The following HP1BP3 variants were observed in gnomAD, a reference collection of about 807,000 sequenced individuals.
HP1BP3 encodes the protein heterochromatin protein 1-binding protein 3.
In HP1BP3, 12 loss-of-function variants were observed where a neutral mutation model predicts 62.5. The ratio of observed to expected loss-of-function variants is 0.19; its 90% confidence interval spans 0.12 to 0.31. The LOEUF is 0.31. Among genes scored for constraint, HP1BP3 ranks in the 10% least tolerant of loss-of-function variants. The pLI, the probability that HP1BP3 is intolerant of heterozygous loss-of-function variation, is 1.00. For synonymous variants in HP1BP3, 260 were observed against 237.8 expected, an observed-to-expected ratio of 1.09 and a Z score of -0.86; for missense variants, 502 against 651.8, an observed-to-expected ratio of 0.77 and a Z score of 2.50.
chr1:20,756,809 G>A (rs919424171), intron 9 of HP1BP3, among the ~76,000 whole-genome samples: 5 of 152,022 alleles, frequency 3.3e-5, no homozygotes, highest in Admixed American at 1.3e-4. Flanking sequence ...TCCACCTCCC[G>A]CGTTCAAGTG....
At chr1:20,774,994 A>G (rs970441047) in intron 4 of HP1BP3, 1 of 151,882 alleles carries the variant, frequency 6.6e-6, no homozygotes, top group African/African-American at 2.4e-5. Flanking sequence ...CCATCTCAAA[A>G]AAAAAAAAAA....
intron 9 of HP1BP3, among the ~76,000 whole-genome samples, chr1:20,756,829 C>T (rs2056139873): frequency 1.3e-5 from 2 of 152,224 alleles, no homozygotes; most frequent in Admixed American, 1.3e-4. Context: ...GATTCTCCTG[C>T]CTCAGCCTCC....
At chr1:20,777,468 T>TA (rs1272093399) in intron 3 of HP1BP3, among the ~76,000 whole-genome samples, 15 of 152,030 alleles carry the variant, frequency 9.9e-5, no homozygotes, top group African/African-American at 3.1e-4. Flanking sequence ...TTTATTTATT[T>TA]TTTTTTTGAG....
intron 10 of HP1BP3, among the ~76,000 whole-genome samples, chr1:20,749,051 A>G (rs930633447): frequency 6.6e-6 from 1 of 152,178 alleles, no homozygotes; most frequent in African/African-American, 2.4e-5. Context: ...GTACTCTAAA[A>G]TCCTGGCTTT....
chr1:20,747,162 T>G (rs1413155186), intron 11 of HP1BP3, among the ~76,000 whole-genome samples: 1 of 152,192 alleles, frequency 6.6e-6, no homozygotes, highest in Non-Finnish European at 1.5e-5. Context: ...ATACAAAACC[T>G]TTTACTCCAA....
chr1:20,765,298 A>T, intron 8 of HP1BP3, 79 bp downstream of exon 8: 1 of 921,442 alleles, frequency 1.1e-6, no homozygotes, highest in Non-Finnish European at 1.6e-6. Flanking sequence ...CTCAGTATTT[A>T]ATCTATCTCT....
rs550035342 is a variant in HP1BP3, at chr1:20,787,292, C to G, written c.-198G>C. ...CCTCCGCCACCGCTGTCCTCCAGTC[C>G]CAGCCGCCGAGCTCTGCCGCCCCGC... On this transcript the variant is annotated 5_prime_UTR_variant, in exon 1 of 13. Transcript: ENST00000438032. 1.2e-4 allele frequency: 18 copies of G among 150,746 alleles called. No individual in the cohort carries two copies. Among genetic ancestry groups the G allele is most frequent in the African/African-American group, 4.1e-4 (17 of 41,300 alleles). The allele number at this position is 150,746 out of a possible 1,614,324, so 9.3% of individuals were successfully genotyped here.
intron 3 of HP1BP3, among the ~76,000 whole-genome samples, chr1:20,776,974 G>A (rs976823811): frequency 3.9e-5 from 6 of 152,124 alleles, no homozygotes; most frequent in African/African-American, 1.2e-4. Context: ...AATAGACCAG[G>A]AAATTACATA....
chr1:20,776,599 C>A lies in HP1BP3; in HGVS notation c.348G>T (p.Lys116Asn). 1.2e-6 allele frequency: 2 copies of A among 1,610,222 alleles called. No individual in the cohort carries two copies. Among genetic ancestry groups the A allele is most frequent in the South Asian group, 2.2e-5 (2 of 90,230 alleles). Residue 116 changes from lysine to asparagine, a missense_variant and splice_region_variant, in exon 4 of 13, where the codon AAG (lysine) becomes AAT (asparagine). By Grantham distance (94) the Lys-to-Asn change is moderately conservative. Around this residue, in one of 5 missense-constraint regions of HP1BP3, gnomAD observed 165 missense variants for 156.4 expected, o/e 1.05. Transcript: ENST00000438032. ...AGCAAGAAGACATAACTCCTTACTC[C>A]TTTTTGGTTTCCTCAGAAGACTTAT... Reference protein sequence around the residue: ...EENKSSEETKKDEKDQSKEKE... With the variant: ...EENKSSEETKNDEKDQSKEKE...
intron 9 of HP1BP3, among the ~76,000 whole-genome samples, chr1:20,754,472 T>G (rs866214984): frequency 2.0e-5 from 3 of 149,622 alleles, no homozygotes; most frequent in African/African-American, 7.3e-5. Context: ...TTTTTTTGGT[T>G]TTTTTTTTTT....
intron 6 of HP1BP3, 112 bp from the exon 7 acceptor site, chr1:20,767,776 G>T: frequency 2.0e-5 from 11 of 551,870 alleles, no homozygotes; most frequent in East Asian, 6.7e-5. Flanking sequence ...TACTTCTTCA[G>T]AGAAAAAAAA....
chr1:20,763,351 T>C (rs1225902509), intron 8 of HP1BP3, among the ~76,000 whole-genome samples: 1 of 152,250 alleles, frequency 6.6e-6, no homozygotes, highest in Non-Finnish European at 1.5e-5. Context: ...ATAAGAAGCA[T>C]GAAAATATCA....
intron 1 of HP1BP3, chr1:20,786,170 G>A (rs1277367213): frequency 6.6e-6 from 1 of 152,248 alleles, no homozygotes; most frequent in Non-Finnish European, 1.5e-5. Context: ...CCAACCCTCA[G>A]ATCTGGGGCT....
At chr1:20,757,715 CCT>C (rs1189934533) in intron 8 of HP1BP3, among the ~76,000 whole-genome samples, 2 of 151,994 alleles carry the variant, frequency 1.3e-5, no homozygotes, top group Non-Finnish European at 2.9e-5. Flanking sequence ...GTATGACAGA[CCT>C]AGAAAATTTC....
At chr1:20,781,235 G>C (rs1211830539) in intron 1 of HP1BP3, among the ~76,000 whole-genome samples, 2 of 151,794 alleles carry the variant, frequency 1.3e-5, no homozygotes, top group African/African-American at 4.8e-5. Context: ...TCTCATCTGA[G>C]ACTCAATGAC....
intron 1 of HP1BP3, among the ~76,000 whole-genome samples, chr1:20,785,789 TTAC>T (rs1330452524): frequency 6.6e-6 from 1 of 152,222 alleles, no homozygotes; most frequent in East Asian, 1.9e-4. Flanking sequence ...CTTTAAAATG[TTAC>T]TTCTATTTTG....
At position 20,773,462 on chromosome 1, in the gene HP1BP3, C is replaced by T. The variant is rs750403800; in HGVS notation, c.499G>A (p.Glu167Lys). 6.2e-7 allele frequency: 1 copy of T among 1,606,494 alleles called. No individual in the cohort carries two copies. Among genetic ancestry groups the T allele is most frequent in the Non-Finnish European group, 8.5e-7 (1 of 1,176,974 alleles). ...AAATAAAAACTTGCCTTAATGGCCT[C>T]AGTTAAGATTGCATCCATCTTGGGA... is the stretch of plus-strand genomic sequence containing the variant. ...PRPKMDAILT[E>K]AIKACFQKSG... is the part of the protein sequence containing the mutation. The change falls in exon 5 of 13, where the codon GAG becomes AAG. Residue 167 changes from glutamate to lysine, a missense_variant. Coordinates refer to ENST00000438032, the MANE Select transcript of HP1BP3 (RefSeq NM_001372052.1).
rs527248206 is a variant in HP1BP3, at chr1:20,780,427, G to C, written c.14C>G (p.Thr5Arg). MATD[T>R]SQGELVHPKA... ...AGGATGGACGAGTTCACCTTGAGAC[G>C]TATCAGTCGCCATTTTAAATAATTT... Residue 5 changes from threonine to arginine, a missense_variant, in exon 2 of 13, where the codon ACG becomes AGG. Thr to Arg is a moderately conservative substitution (Grantham distance 71). Transcript: ENST00000438032. 1.2e-6 allele frequency: 2 copies of C among 1,612,064 alleles called. No homozygotes were observed. The highest frequency in any genetic ancestry group is 1.1e-5 in the South Asian group (1 of 91,032).
chr1:20,765,765 G>A (rs888732301), intron 7 of HP1BP3, among the ~76,000 whole-genome samples: 2 of 151,940 alleles, frequency 1.3e-5, no homozygotes, highest in Non-Finnish European at 2.9e-5. Context: ...GAGGTCAGGA[G>A]TTAAAGACCA....
Sources: allele counts gnomAD v4.1 joint callset (sites outside exome capture counted in the v4.1 genomes callset), GRCh38; gene constraint gnomAD v4.1.1; regional missense constraint gnomAD v4.1.1; transcripts MANE v1.5; gene names NCBI Gene and HGNC (gene_info 2026-07-23, HGNC 2026-07-21).